Variants in TNXB observed in about 807,000 individuals in gnomAD.
TNXB encodes the protein tenascin-X.
In TNXB, 183 loss-of-function variants were observed where a neutral mutation model predicts 340.5. The ratio of observed to expected loss-of-function variants is 0.54; its 90% CI spans 0.48 to 0.61. The LOEUF (loss-of-function observed/expected upper bound fraction) is 0.61, where lower values mean the gene tolerates loss of function less well. TNXB is among the 20% of genes least tolerant of loss of function. The pLI, the probability that TNXB is intolerant of heterozygous loss-of-function variation, is 0.00. For missense variants in TNXB, 4,613 were observed against 5,446.4 expected, an observed-to-expected ratio of 0.85 and a Z score of 4.82; for synonymous variants, 2,121 against 2,314.5, an observed-to-expected ratio of 0.92 and a Z score of 2.40.
chr6:32,099,024 T>C (rs1780574824), intron 1 of TNXB, among the ~76,000 whole-genome samples: 1 of 152,214 alleles, frequency 6.6e-6, no homozygotes, highest in Admixed American at 6.5e-5. Context: ...TTTCTCTCAA[T>C]GCTACAATGG....
chr6:32,107,592 C>T (rs1425776303), intron 1 of TNXB, among the ~76,000 whole-genome samples: 2 of 152,198 alleles, frequency 1.3e-5, no homozygotes, highest in Admixed American at 6.5e-5. Context: ...TGGCCTCACC[C>T]TCTTGGCACC....
intron 1 of TNXB, among the ~76,000 whole-genome samples, chr6:32,106,758 C>G (rs1228754081): frequency 2.0e-5 from 3 of 152,186 alleles, no homozygotes; most frequent in Admixed American, 6.5e-5. Flanking sequence ...TGGAGTGTAG[C>G]CTTGGGTAAG....
rs1246366792 is a variant in TNXB, at chr6:32,062,964, A to T, written c.6842-481T>A. On this transcript the variant is annotated intron_variant, in intron 19 of 43. Transcript: ENST00000644971. The surrounding 1 kb of genome is among the most constrained non-coding windows in gnomAD (Gnocchi z 4.3). ...CAGCTACTCAGGAGGCTGAGGCAGG[A>T]GAATGGCATGAACCCAGGAGGCGGA... Among the ~76,000 whole-genome samples, 1 of 152,210 alleles carries T rather than the reference A, an allele frequency of 6.6e-6. No homozygotes were observed. Among genetic ancestry groups the T allele is most frequent in the Admixed American group, 6.5e-5 (1 of 15,274 alleles).
At position 32,047,613 on chromosome 6, in the gene TNXB, G is replaced by C; in HGVS notation, c.10324+121C>G. The C allele has an allele frequency of 3.4e-6, 4 of 1,167,302 alleles. No individual in the cohort carries two copies. Among genetic ancestry groups the C allele is most frequent in the Non-Finnish European group, 4.7e-6 (4 of 855,098 alleles). 72.3% of individuals were successfully genotyped at this position (1,167,302 alleles called of 1,614,324 possible). On this transcript the variant is annotated intron_variant, in intron 30 of 43. Coordinates refer to ENST00000644971, the MANE Select transcript of TNXB (RefSeq NM_001365276.2). The surrounding 1 kb of genome is among the most constrained non-coding windows in gnomAD (Gnocchi z 6.2). ...CTGACACACAGAGGGACTCACTTTC[G>C]GAGTTAAGATGGTTGTGTCAGGGCT...
chr6:32,043,671 C>A, intron 35 of TNXB, 78 bp downstream of exon 35: 2 of 1,608,148 alleles, frequency 1.2e-6, no homozygotes, highest in Non-Finnish European at 1.7e-6. Context: ...CCCTTTCACC[C>A]TCCTCGTTCT....
chr6:32,049,644 A>G lies in TNXB; in HGVS notation c.9440-57T>C. ...GGGGATGTCCTTGGGTCCTGGGGAA[A>G]AGGAGGGAGAAGCCAAGGCTATGAC... is the stretch of plus-strand genomic sequence containing the variant. On this transcript the variant is annotated intron_variant, in intron 27 of 43. Transcript: ENST00000644971. This position sits in a 1 kb window ranked among gnomAD's most constrained non-coding sequence, Gnocchi z 4.5. 6.4e-7 allele frequency: 1 copy of G among 1,553,236 alleles called. No homozygotes were observed. The highest frequency in any genetic ancestry group is 8.7e-7 in the Non-Finnish European group (1 of 1,144,938).
rs9267799 is a variant in TNXB at position 32,079,167 on chromosome 6, C to T, written c.4241G>A (p.Arg1414Gln). Residue 1414 changes from arginine (R) to glutamine (Q), a missense_variant, in exon 11 of 44, where the codon CGG becomes CAG. Physicochemically the swap from Arg to Gln is conservative, Grantham distance 43 (BLOSUM62 1). Coordinates refer to ENST00000644971, the MANE Select transcript of TNXB (RefSeq NM_001365276.2). This position sits in a 1 kb window ranked among gnomAD's most constrained non-coding sequence, Gnocchi z 7.1. ...VQYKDRDGRP[R>Q]AVRVGGKESE... ...CTCCTTGCCCCCAACACGCACCGCC[C>T]GGGGCCGCCCATCCCTGTCCTTGTA... 0.021 allele frequency: 33,880 copies of T among 1,613,816 alleles called. 660 individuals carry two copies. The highest frequency in any genetic ancestry group is 0.066 in the African/African-American group (4,989 of 75,034).
chr6:32,056,807 G>C lies in TNXB; in HGVS notation c.7922C>G (p.Pro2641Arg). Residue 2641 changes from proline to arginine, a missense_variant, in exon 23 of 44, where the codon CCT becomes CGT. This residue lies in a region of TNXB where 4,327 missense variants were observed against 4,859.4 expected (regional missense o/e 0.89). Transcript: ENST00000644971. ...LGELTMTDAT[P>R]DSLSLSWTVP... is the part of the protein sequence containing the mutation. ...CGTCCAGGACAGGCTGAGGGAGTCA[G>C]GGGTGGCATCTGTCATGGTCAGCTC... 1 of 1,613,236 alleles carries C rather than the reference G, an allele frequency of 6.2e-7. No individual in the cohort carries two copies. Among genetic ancestry groups the C allele is most frequent in the South Asian group, 1.1e-5 (1 of 91,080 alleles).
At position 32,068,907 on chromosome 6, in the gene TNXB, C is replaced by G; in HGVS notation, c.5817G>C (p.Leu1939=). 6.2e-7 allele frequency: 1 copy of G among 1,612,862 alleles called. No individual in the cohort carries two copies. Among genetic ancestry groups the G allele is most frequent in the South Asian group, 1.1e-5 (1 of 91,076 alleles). The part of the protein sequence containing the change: ...GDRNDITLSG[L]ESDHRYLVTL... ...TCACCAGGTATCTGTGGTCGGATTC[C>G]AGGCCAGAGAGGGTGATGTCATTCC... is the stretch of plus-strand genomic sequence containing the variant. The change falls in exon 16 of 44, where the codon CTG becomes CTC. Residue 1939 remains leucine, a synonymous_variant. Transcript: ENST00000644971. The surrounding 1 kb of genome is among the most constrained non-coding windows in gnomAD (Gnocchi z 5.3).
Position 32,061,699 on chromosome 6 carries a change from C to G in TNXB, c.7190G>C (p.Ser2397Thr). The stretch of plus-strand genomic sequence containing the variant: ...GGCCTCCATGCTGGGTTCTGTGGGG[C>G]TGGGGGTCTCTTCCTCTGCAGCTGA... ...GVTAAEEETPSPTEPSMEAPE... is the reference protein window; with the variant it reads ...GVTAAEEETPTPTEPSMEAPE... The change falls in exon 21 of 44, where the codon AGC (serine) becomes ACC (threonine). Residue 2397 changes from serine to threonine, a missense_variant. This residue lies in a region of TNXB where 4,327 missense variants were observed against 4,859.4 expected (regional missense o/e 0.89). Transcript: ENST00000644971. This position sits in a 1 kb window ranked among gnomAD's most constrained non-coding sequence, Gnocchi z 4.4. 6.2e-7 allele frequency: 1 copy of G among 1,611,646 alleles called. No homozygotes were observed. The highest frequency in any genetic ancestry group is 8.5e-7 in the Non-Finnish European group (1 of 1,179,024).
In TNXB at chr6:32,070,025, A is replaced by G; in HGVS notation, c.5278+102T>C. The G allele has an allele frequency of 2.1e-6, 3 of 1,418,040 alleles. No individual in the cohort carries two copies. The highest frequency in any genetic ancestry group is 2.8e-6 in the Non-Finnish European group (3 of 1,077,870). The allele number at this position is 1,418,040 out of a possible 1,614,324, so 87.8% of individuals were successfully genotyped here. On this transcript the variant is annotated intron_variant, in intron 14 of 43. Coordinates refer to ENST00000644971, the MANE Select transcript of TNXB (RefSeq NM_001365276.2). The surrounding 1 kb of genome is among the most constrained non-coding windows in gnomAD (Gnocchi z 6.0). The stretch of plus-strand genomic sequence containing the variant: ...GACGTGGGGAGCTGGATCTGAGCCG[A>G]GTGGCTGGGGCCAAATAATGGTAAT...
At position 32,069,088 on chromosome 6, in the gene TNXB, G is replaced by A. The variant is rs1376676057; in HGVS notation, c.5636C>T (p.Ala1879Val). The change falls in exon 16 of 44, where the codon GCG (alanine) becomes GTG (valine). Residue 1879 changes from alanine (A) to valine (V), a missense_variant. Coordinates refer to ENST00000644971, the MANE Select transcript of TNXB (RefSeq NM_001365276.2). This position sits in a 1 kb window ranked among gnomAD's most constrained non-coding sequence, Gnocchi z 6.2. ...ETETTAPTPP[A>V]PEPHLGELTV... ...CAACTCCCCGAGGTGGGGCTCAGGC[G>A]CTGGAGGGGTCGGGGCCGTGGTCTC... 5 of 1,612,498 alleles carry A rather than the reference G, an allele frequency of 3.1e-6. No homozygotes were observed. The highest frequency in any genetic ancestry group is 1.3e-5 in the African/African-American group (1 of 75,042).
intron 23 of TNXB, 131 bp from the exon 24 acceptor site, chr6:32,056,305 T>G: frequency 8.0e-7 from 1 of 1,252,914 alleles, no homozygotes; most frequent in East Asian, 2.5e-5. Flanking sequence ...TTCTTGGGGC[T>G]GGGTGGTCCT....
rs1019797673 is a variant in TNXB at position 32,089,734 on chromosome 6, G to A, written c.2359-355C>T. Among the ~76,000 whole-genome samples the A allele has an allele frequency of 6.6e-6, 1 of 152,034 alleles. No homozygotes were observed. Among genetic ancestry groups the A allele is most frequent in the Non-Finnish European group, 1.5e-5 (1 of 68,014 alleles). ...TAGGCCCTAGCAGTGTGATCCCAGAGTCCCCTCTCATGGGCACCCCCTATT... is the reference window on the plus strand; with the variant it reads ...TAGGCCCTAGCAGTGTGATCCCAGAATCCCCTCTCATGGGCACCCCCTATT... On this transcript the variant is annotated intron_variant, in intron 4 of 43. Coordinates refer to ENST00000644971, the MANE Select transcript of TNXB (RefSeq NM_001365276.2). The surrounding 1 kb of genome is among the most constrained non-coding windows in gnomAD (Gnocchi z 6.2).
Position 32,069,042 on chromosome 6 carries a change from T to TGAC in TNXB, c.5679_5681dup (p.Ser1894dup), listed in dbSNP as rs1778586026. On this transcript the variant is annotated inframe_insertion, in exon 16 of 44. Coordinates refer to ENST00000644971, the MANE Select transcript of TNXB (RefSeq NM_001365276.2). This position sits in a 1 kb window ranked among gnomAD's most constrained non-coding sequence, Gnocchi z 6.2. ...CCATCCAGGAGAGATGCAGGGTGTG[T>TGAC]GACGTGGCCTCCTCCACTGTCAACT... The TGAC allele has an allele frequency of 1.2e-6, 2 of 1,612,710 alleles. No homozygotes were observed. The highest frequency in any genetic ancestry group is 1.7e-6 in the Non-Finnish European group (2 of 1,179,866).
chr6:32,049,954 G>A lies in TNXB; in HGVS notation c.9439+44C>T, dbSNP rs767599686. 460 of 1,609,812 alleles carry A rather than the reference G, an allele frequency of 2.9e-4. 2 individuals carry two copies. Among genetic ancestry groups the A allele is most frequent in the Middle Eastern group, 1.3e-3 (8 of 6,046 alleles). ...AGTCATCACCAAAGAGCAAGAGGTGGCCCTCCCACAGCTCCCACCCTGGGG... is the reference window on the plus strand; with the variant it reads ...AGTCATCACCAAAGAGCAAGAGGTGACCCTCCCACAGCTCCCACCCTGGGG... On this transcript the variant is annotated intron_variant, in intron 27 of 43. Coordinates refer to ENST00000644971, the MANE Select transcript of TNXB (RefSeq NM_001365276.2). This position sits in a 1 kb window ranked among gnomAD's most constrained non-coding sequence, Gnocchi z 4.5.
rs113903960 is a variant in TNXB at position 32,091,765 on chromosome 6, C to T, written c.2359-2386G>A. ...CTGGGATTACAGGCATGAGCCACTG[C>T]GCCTGGCCTGCTTCACTGATTTTGT... On this transcript the variant is annotated intron_variant, in intron 4 of 43. Transcript: ENST00000644971. Among the ~76,000 whole-genome samples the T allele has an allele frequency of 4.1e-3, 624 of 152,272 alleles. 2 individuals are homozygous for T. The highest frequency in any genetic ancestry group is 0.014 in the African/African-American group (584 of 41,548).
chr6:32,097,298 C>A lies in TNXB; in HGVS notation c.555G>T (p.Gly185=), dbSNP rs761059304. The change falls in exon 3 of 44, where the codon GGG becomes GGT. Residue 185 remains glycine (G), a synonymous_variant. Coordinates refer to ENST00000644971, the MANE Select transcript of TNXB (RefSeq NM_001365276.2). The surrounding 1 kb of genome is among the most constrained non-coding windows in gnomAD (Gnocchi z 5.9). The part of the protein sequence containing the change: ...IPPSSPPSAS[G]SCPDDCNDQG... ...GATCATTGCAGTCATCTGGGCAGGA[C>A]CCCGAGGCTGAGGGTGGGGAAGAGG... 2.5e-6 allele frequency: 4 copies of A among 1,613,486 alleles called. No individual in the cohort carries two copies. Among genetic ancestry groups the A allele is most frequent in the African/African-American group, 1.3e-5 (1 of 74,934 alleles).
In TNXB at chr6:32,048,360, C is replaced by T; in HGVS notation, c.10045+3G>A. The T allele has an allele frequency of 6.8e-7, 1 of 1,478,410 alleles. No individual in the cohort carries two copies. Among genetic ancestry groups the T allele is most frequent in the Non-Finnish European group, 9.0e-7 (1 of 1,112,148 alleles). 91.6% of individuals were successfully genotyped at this position (1,478,410 alleles called of 1,614,324 possible). On this transcript the variant is annotated splice_donor_region_variant and intron_variant, in intron 29 of 43. Coordinates refer to ENST00000644971, the MANE Select transcript of TNXB (RefSeq NM_001365276.2). ...CCGCGGGAGGCCTCCAGCCCTCACT[C>T]ACCGGTCCTGGCCTCCACAGGGACT...
Sources: gnomAD v4.1 joint callset for allele counts (sites outside exome capture counted in the v4.1 genomes callset) on GRCh38, gnomAD v4.1.1 for gene constraint, gnomAD v4.1.1 regional missense constraint, Gnocchi (gnomAD v3.1) non-coding constraint, MANE v1.5 for transcripts, NCBI Gene and HGNC (gene_info 2026-07-23, HGNC 2026-07-21) for gene names.